PCDH9: variants seen among roughly 807,000 people sequenced by gnomAD.
PCDH9 encodes the protein protocadherin-9.
A neutral mutation model predicts 70.6 loss-of-function variants in PCDH9; 24 were observed. The ratio of observed to expected loss-of-function variants is 0.34; its 90% confidence interval spans 0.25 to 0.48. The LOEUF (loss-of-function observed/expected upper bound fraction) is 0.48. Among genes scored for constraint, PCDH9 ranks in the 20% least tolerant of loss-of-function variants. PCDH9 has a pLI of 0.99. For synonymous variants in PCDH9, 562 were observed against 558.5 expected (o/e 1.01, Z -0.09); for missense variants, 1,281 against 1,503.6 (o/e 0.85, Z 2.45).
intron 2 of PCDH9, among the ~76,000 whole-genome samples, chr13:67,154,267 T>A (rs1041299166): frequency 1.3e-5 from 2 of 151,794 alleles, no homozygotes; most frequent in East Asian, 3.9e-4. Context: ...AGATATGTAA[T>A]AAGAGAATGT....
At chr13:66,323,142 C>T (rs1955784168) in intron 4 of PCDH9, 2 of 151,974 alleles carry the variant, frequency 1.3e-5, no homozygotes, top group South Asian at 4.1e-4. Context: ...TGTCAAGATA[C>T]CTAAAATCCT....
chr13:67,193,902 G>A (rs1479898120), intron 2 of PCDH9, among the ~76,000 whole-genome samples: 1 of 152,004 alleles, frequency 6.6e-6, no homozygotes, highest in Non-Finnish European at 1.5e-5. Context: ...TACAAACGAG[G>A]CCAACATTTA....
intron 4 of PCDH9, among the ~76,000 whole-genome samples, chr13:66,554,621 G>A (rs1961644138): frequency 6.6e-6 from 1 of 152,016 alleles, no homozygotes; most frequent in Non-Finnish European, 1.5e-5. Context: ...ATTTTTGTTA[G>A]CTTACAGATA....
chr13:66,649,042 T>C (rs1033325370), intron 3 of PCDH9, among the ~76,000 whole-genome samples: 1 of 152,034 alleles, frequency 6.6e-6, no homozygotes, highest in African/African-American at 2.4e-5. Flanking sequence ...ATAAAAAAGA[T>C]TGAAGCCTTC....
intron 4 of PCDH9, among the ~76,000 whole-genome samples, chr13:66,395,471 C>T (rs1043953829): frequency 2.0e-5 from 3 of 151,856 alleles, no homozygotes; most frequent in Non-Finnish European, 2.9e-5. Flanking sequence ...CACGGTGGCA[C>T]GCGCCTGTAA....
chr13:67,150,995 T>G (rs2087644979), intron 2 of PCDH9, among the ~76,000 whole-genome samples: 1 of 152,220 alleles, frequency 6.6e-6, no homozygotes, highest in South Asian at 2.1e-4. Context: ...AGTTTAGTCT[T>G]AATCATAAGA....
At chr13:66,869,013 C>G (rs2081624654) in intron 3 of PCDH9, among the ~76,000 whole-genome samples, 1 of 152,046 alleles carries the variant, frequency 6.6e-6, no homozygotes, top group Admixed American at 6.6e-5. Flanking sequence ...AGGTTTGGCT[C>G]AACTGACTAT....
chr13:66,472,482 T>A (rs1241598297), intron 4 of PCDH9, among the ~76,000 whole-genome samples: 2 of 151,530 alleles, frequency 1.3e-5, no homozygotes, highest in Non-Finnish European at 2.9e-5. Context: ...GGAGGGAGGA[T>A]CACTTGAGCA....
chr13:66,375,086 G>A (rs981260722), intron 4 of PCDH9, among the ~76,000 whole-genome samples: 2 of 151,968 alleles, frequency 1.3e-5, no homozygotes, highest in Non-Finnish European at 2.9e-5. Flanking sequence ...TTAAAATATC[G>A]AATATGCTAC....
chr13:66,737,174 C>T (rs2079162752), intron 3 of PCDH9, among the ~76,000 whole-genome samples: 1 of 142,484 alleles, frequency 7.0e-6, no homozygotes, highest in Admixed American at 7.5e-5. Flanking sequence ...AGAAAGGTTG[C>T]ACTAAGTTAA....
intron 2 of PCDH9, among the ~76,000 whole-genome samples, chr13:67,034,747 G>C (rs553575122): frequency 6.6e-6 from 1 of 150,962 alleles, no homozygotes; most frequent in South Asian, 2.1e-4. Flanking sequence ...TGTGTGTCAC[G>C]AGAGTTTGGT....
chr13:66,534,278 T>A (rs1344123305), intron 4 of PCDH9, among the ~76,000 whole-genome samples: 1 of 152,156 alleles, frequency 6.6e-6, no homozygotes, highest in Non-Finnish European at 1.5e-5. Flanking sequence ...TTAAAGTTAT[T>A]GTCTTAGTTC....
intron 2 of PCDH9, among the ~76,000 whole-genome samples, chr13:67,153,992 T>C (rs2087732272): frequency 6.6e-6 from 1 of 152,182 alleles, no homozygotes; most frequent in African/African-American, 2.4e-5. Context: ...CATATATTGT[T>C]TTGTGCAACT....
intron 4 of PCDH9, among the ~76,000 whole-genome samples, chr13:66,476,450 T>C (rs1958730911): frequency 6.6e-6 from 1 of 152,112 alleles, no homozygotes; most frequent in Non-Finnish European, 1.5e-5. Flanking sequence ...TTCAATCTTG[T>C]TATTCCATTT....
intron 4 of PCDH9, among the ~76,000 whole-genome samples, chr13:66,514,715 A>G (rs1566383188): frequency 6.6e-6 from 1 of 152,074 alleles, no homozygotes; most frequent in Non-Finnish European, 1.5e-5. Flanking sequence ...GGATACTTCT[A>G]TTCAGAAGAG....
At chr13:66,404,054 G>T (rs1957235522) in intron 4 of PCDH9, among the ~76,000 whole-genome samples, 1 of 152,096 alleles carries the variant, frequency 6.6e-6, no homozygotes, top group African/African-American at 2.4e-5. Flanking sequence ...CTTAAATTTG[G>T]CAGTGCTCAT....
chr13:66,724,391 G>A (rs1323164782), intron 3 of PCDH9, among the ~76,000 whole-genome samples: 3 of 152,158 alleles, frequency 2.0e-5, no homozygotes, highest in South Asian at 2.1e-4. Flanking sequence ...ATCTAAGGGA[G>A]CAACAAAATA....
At chr13:66,419,788 T>C (rs1957530241) in intron 4 of PCDH9, among the ~76,000 whole-genome samples, 1 of 148,502 alleles carries the variant, frequency 6.7e-6, no homozygotes, top group Admixed American at 6.7e-5. Context: ...TTTCCCCCAG[T>C]GGCACTGTAA....
intron 3 of PCDH9, among the ~76,000 whole-genome samples, chr13:66,802,195 T>C (rs574674364): frequency 2.0e-5 from 3 of 152,022 alleles, no homozygotes; most frequent in Admixed American, 6.6e-5. Flanking sequence ...TTAGTATTAA[T>C]CAAAGTTTCA....
Sources: gnomAD v4.1 joint callset for allele counts (sites outside exome capture counted in the v4.1 genomes callset) on GRCh38, gnomAD v4.1.1 for gene constraint, MANE v1.5 for transcripts, NCBI Gene and HGNC (gene_info 2026-07-23, HGNC 2026-07-21) for gene names.